AKAP7: variants seen among roughly 807,000 people sequenced by gnomAD.
AKAP7 encodes the protein A kinase (PRKA) anchor protein 7.
AKAP7 carries 39 observed loss-of-function variants against 39.5 expected under a neutral mutation model. That is an observed-to-expected ratio of 0.99 (90% CI 0.76 to 1.29). AKAP7 has a LOEUF of 1.29. Ranked by LOEUF, AKAP7 falls within the 50% of genes most tolerant of loss-of-function variation. The probability of loss-of-function intolerance (pLI) is 0.00; values close to 1 mark genes in which losing one functional copy is unlikely to be tolerated. For missense variants in AKAP7, 414 were observed against 407.7 expected (o/e 1.02, Z -0.13); for synonymous variants, 140 against 139.1 (o/e 1.01, Z -0.05).
chr6:131,189,927 T>G (rs1806242381), intron 5 of AKAP7, among the ~76,000 whole-genome samples: 1 of 152,212 alleles, frequency 6.6e-6, no homozygotes, highest in Admixed American at 6.5e-5. Flanking sequence ...CCTGTGGTAC[T>G]GGGAGGAATT....
At chr6:131,158,928 A>G (rs934816062) in intron 2 of AKAP7, among the ~76,000 whole-genome samples, 6 of 151,924 alleles carry the variant, frequency 3.9e-5, no homozygotes, top group African/African-American at 1.2e-4. Context: ...AAAAAAAAAA[A>G]AGATGATGGC....
chr6:131,200,489 A>G (rs1243387798), intron 6 of AKAP7, among the ~76,000 whole-genome samples: 1 of 152,142 alleles, frequency 6.6e-6, no homozygotes, highest in Non-Finnish European at 1.5e-5. Context: ...CATGTGTAGT[A>G]GTAAGTAGAA....
At chr6:131,175,783 G>A (rs947686918) in intron 5 of AKAP7, among the ~76,000 whole-genome samples, 7 of 152,174 alleles carry the variant, frequency 4.6e-5, no homozygotes, top group Non-Finnish European at 7.3e-5. Context: ...CCTTTCTGAG[G>A]ACACCGGGTC....
intron 7 of AKAP7, among the ~76,000 whole-genome samples, chr6:131,236,932 C>T (rs902382112): frequency 4.6e-5 from 7 of 152,268 alleles, no homozygotes; most frequent in African/African-American, 1.4e-4. Flanking sequence ...GCCAGAACTT[C>T]CAACATTATG....
chr6:131,255,565 C>T (rs1812774408), intron 7 of AKAP7, among the ~76,000 whole-genome samples: 1 of 152,060 alleles, frequency 6.6e-6, no homozygotes, highest in Non-Finnish European at 1.5e-5. Context: ...AGCATAACTC[C>T]AGTTCTGCCA....
chr6:131,266,419 A>T (rs907712558), intron 7 of AKAP7, among the ~76,000 whole-genome samples: 1 of 152,226 alleles, frequency 6.6e-6, no homozygotes, highest in Non-Finnish European at 1.5e-5. Context: ...TTTACATGTC[A>T]TCAGTGTACT....
intron 5 of AKAP7, among the ~76,000 whole-genome samples, chr6:131,180,037 C>T (rs1805001342): frequency 6.6e-6 from 1 of 152,178 alleles, no homozygotes; most frequent in South Asian, 2.1e-4. Context: ...TCCACTGCTT[C>T]TGCTCAGTTT....
the AKAP7 span, among the ~76,000 whole-genome samples, chr6:131,130,290 G>T: frequency 1.3e-5 from 2 of 152,198 alleles, no homozygotes; most frequent in African/African-American, 4.8e-5. Context: ...AGTGTAATGT[G>T]TAGGGAGAAG....
In AKAP7 at chr6:131,282,053, A is replaced by G. The variant is rs1479570129; in HGVS notation, c.*327A>G. 1.1e-5 allele frequency: 13 copies of G among 1,137,956 alleles called. No individual in the cohort carries two copies. Among genetic ancestry groups the G allele is most frequent in the East Asian group, 4.7e-5 (1 of 21,202 alleles). The allele number at this position is 1,137,956 out of a possible 1,614,324, so 70.5% of individuals were successfully genotyped here. Reference sequence around the variant, plus strand: ...GGCCGAGAAAGAGGCCTTGCCATCAATGGAATACTGCCATTTATATTGCTT... The same window carrying G: ...GGCCGAGAAAGAGGCCTTGCCATCAGTGGAATACTGCCATTTATATTGCTT... On this transcript the variant is annotated 3_prime_UTR_variant, in exon 8 of 8. Coordinates refer to ENST00000431975, the MANE Select transcript of AKAP7 (RefSeq NM_016377.4).
intron 7 of AKAP7, chr6:131,250,727 G>C: frequency 9.1e-7 from 1 of 1,093,528 alleles, no homozygotes; most frequent in East Asian, 2.5e-5. Flanking sequence ...AGACTAATCA[G>C]CTATGGTTTT....
In AKAP7 at chr6:131,281,621, G is replaced by T. The variant is rs768932731; in HGVS notation, c.942G>T (p.Gln314His). The T allele has an allele frequency of 6.2e-7, 1 of 1,613,586 alleles. No individual in the cohort carries two copies. ...ACGCGGTGCTCAAGGCTGTCCAGCAGTATCTGGAGGAAACACAGAATAAAA... is the reference window on the plus strand; with the variant it reads ...ACGCGGTGCTCAAGGCTGTCCAGCATTATCTGGAGGAAACACAGAATAAAA... ...VENAVLKAVQ[Q>H]YLEETQNKNK... Residue 314 changes from glutamine (Q) to histidine (H), a missense_variant, in exon 8 of 8, where the codon CAG becomes CAT. Physicochemically the swap from Gln to His is conservative, Grantham distance 24. Coordinates refer to ENST00000431975, the MANE Select transcript of AKAP7 (RefSeq NM_016377.4). The surrounding 1 kb of genome is among the most constrained non-coding windows in gnomAD (Gnocchi z 4.0).
intron 7 of AKAP7, among the ~76,000 whole-genome samples, chr6:131,232,119 G>A (rs768059027): frequency 3.9e-5 from 6 of 152,170 alleles, no homozygotes; most frequent in South Asian, 2.1e-4. Flanking sequence ...AAATCCAACC[G>A]TCTGTTGGTT....
At chr6:131,265,696 C>G (rs1813731722) in intron 7 of AKAP7, among the ~76,000 whole-genome samples, 1 of 152,138 alleles carries the variant, frequency 6.6e-6, no homozygotes, top group South Asian at 2.1e-4. Context: ...AGATGTGGAA[C>G]AGCATTATGG....
the AKAP7 span, among the ~76,000 whole-genome samples, chr6:131,127,211 A>G: frequency 6.6e-6 from 1 of 151,720 alleles, no homozygotes; most frequent in Admixed American, 6.6e-5. Flanking sequence ...ATGACCGGTT[A>G]ATTTTTTTGT....
intron 2 of AKAP7, among the ~76,000 whole-genome samples, chr6:131,159,238 T>C (rs755049694): frequency 3.3e-5 from 5 of 152,044 alleles, no homozygotes; most frequent in Admixed American, 6.5e-5. Context: ...GGACTACAGG[T>C]GCCCGCCAGC....
chr6:131,240,290 G>A (rs553971642), intron 7 of AKAP7, among the ~76,000 whole-genome samples: 2 of 152,286 alleles, frequency 1.3e-5, no homozygotes, highest in South Asian at 4.1e-4. Context: ...AGGAGTACCC[G>A]GCCGTGTGAG....
At chr6:131,275,239 G>A (rs1202071644) in intron 7 of AKAP7, among the ~76,000 whole-genome samples, 4 of 152,096 alleles carry the variant, frequency 2.6e-5, no homozygotes, top group Admixed American at 6.6e-5. Flanking sequence ...GATGTTTCAG[G>A]CACCATTTTA....
chr6:131,143,828 A>G (rs1177066635), intron 1 of AKAP7, among the ~76,000 whole-genome samples: 1 of 143,656 alleles, frequency 7.0e-6, no homozygotes, highest in Non-Finnish European at 1.5e-5. Context: ...TGGCAGGGTC[A>G]TAGGACAATA....
intron 1 of AKAP7, among the ~76,000 whole-genome samples, chr6:131,144,914 A>G (rs1320758431): frequency 2.0e-5 from 3 of 152,232 alleles, no homozygotes; most frequent in Admixed American, 2.0e-4. Flanking sequence ...TGATATTGCT[A>G]AAAATAAGAA....
Sources: allele counts gnomAD v4.1 joint callset (sites outside exome capture counted in the v4.1 genomes callset), GRCh38; gene constraint gnomAD v4.1.1; non-coding constraint Gnocchi (gnomAD v3.1); transcripts MANE v1.5; gene names NCBI Gene and HGNC (gene_info 2026-07-23, HGNC 2026-07-21).